EIF4G3: variants seen among roughly 807,000 people sequenced by gnomAD.
EIF4G3 encodes eukaryotic translation initiation factor 4 gamma 3.
A neutral mutation model predicts 186.4 loss-of-function variants in EIF4G3; 34 were observed. The observed-to-expected ratio is 0.18, with a 90% CI of 0.14 to 0.24. The LOEUF (loss-of-function observed/expected upper bound fraction) is 0.24. Ranked by LOEUF, EIF4G3 falls within the 10% of genes least tolerant of loss-of-function variation. The pLI is 1.00. For synonymous variants in EIF4G3, 673 were observed against 679.5 expected, an observed-to-expected ratio of 0.99 and a Z score of 0.15; for missense variants, 1,536 against 1,948.5, an observed-to-expected ratio of 0.79 and a Z score of 3.99.
intron 2 of EIF4G3, among the ~76,000 whole-genome samples, chr1:21,136,398 T>C (rs2102586534): frequency 6.6e-6 from 1 of 151,928 alleles, no homozygotes; most frequent in South Asian, 2.1e-4. Flanking sequence ...ATGCCTGTAA[T>C]CCCAGCTACT....
chr1:20,989,056 A>AGGGGGG (rs2080285132), intron 7 of EIF4G3, among the ~76,000 whole-genome samples: 1 of 2,342 alleles, frequency 4.3e-4, no homozygotes, highest in Non-Finnish European at 7.5e-4. Flanking sequence ...AGGAGAGGAG[A>AGGGGGG]GGAGGGGAGG....
intron 23 of EIF4G3, among the ~76,000 whole-genome samples, chr1:20,860,895 A>C (rs920319746): frequency 4.6e-5 from 7 of 152,244 alleles, no homozygotes; most frequent in Non-Finnish European, 4.4e-5. Flanking sequence ...AAAAATGATG[A>C]GGATTCCTTG....
intron 3 of EIF4G3, among the ~76,000 whole-genome samples, chr1:21,085,983 C>T (rs368993204): frequency 7.2e-5 from 11 of 152,038 alleles, no homozygotes; most frequent in Non-Finnish European, 1.0e-4. Context: ...TAAGCCATCG[C>T]GCCTGGCCCA....
intron 2 of EIF4G3, among the ~76,000 whole-genome samples, chr1:21,127,870 A>G (rs1045673655): frequency 6.6e-6 from 1 of 152,222 alleles, no homozygotes; most frequent in African/African-American, 2.4e-5. Context: ...AAAGCAAAAA[A>G]TATTTCTTCC....
At chr1:21,075,728 C>A (rs1304326781) in intron 3 of EIF4G3, among the ~76,000 whole-genome samples, 2 of 151,124 alleles carry the variant, frequency 1.3e-5, no homozygotes, top group Non-Finnish European at 2.9e-5. Context: ...GTAAAACAGA[C>A]AGAAAAGGTA....
chr1:21,140,095 T>C (rs7543424), intron 2 of EIF4G3, among the ~76,000 whole-genome samples: 1 of 152,236 alleles, frequency 6.6e-6, no homozygotes, highest in Non-Finnish European at 1.5e-5. Flanking sequence ...CCAGATTTGG[T>C]TGAGGCTGTC....
At chr1:20,945,532 C>T (rs1168922704) in intron 13 of EIF4G3, among the ~76,000 whole-genome samples, 2 of 152,174 alleles carry the variant, frequency 1.3e-5, no homozygotes, top group Admixed American at 1.3e-4. Flanking sequence ...CTGGTGTGAT[C>T]TCAGCTCACC....
intron 2 of EIF4G3, among the ~76,000 whole-genome samples, chr1:21,128,227 G>A (rs1347102884): frequency 3.4e-5 from 5 of 145,588 alleles, no homozygotes; most frequent in Admixed American, 1.4e-4. Context: ...AAAAAGTTTC[G>A]GCTGGGTGTG....
intron 20 of EIF4G3, among the ~76,000 whole-genome samples, chr1:20,873,776 T>C (rs1471286436): frequency 2.0e-5 from 3 of 150,266 alleles, no homozygotes; most frequent in South Asian, 2.1e-4. Flanking sequence ...GTTTGTTACA[T>C]AGGTATACAT....
At chr1:21,013,748 G>A (rs1427961347) in intron 4 of EIF4G3, among the ~76,000 whole-genome samples, 1 of 152,220 alleles carries the variant, frequency 6.6e-6, no homozygotes, top group Non-Finnish European at 1.5e-5. Flanking sequence ...TACAAACACA[G>A]AAAAGGTCAA....
intron 4 of EIF4G3, chr1:21,003,746 G>T: frequency 2.2e-6 from 1 of 451,416 alleles, no homozygotes; most frequent in South Asian, 1.6e-5. Context: ...TGCCTGTGAG[G>T]TTCACAACAA....
rs1401077114 is a variant in EIF4G3, at chr1:20,849,458, G to A, written c.3845C>T (p.Ser1282Leu). ...ALSEEELERK[S>L]KSIIDEFLHI... The stretch of plus-strand genomic sequence containing the variant: ...TAGAAATTCATCAATGATAGATTTC[G>A]ACTTCCTCTCCAGTTCCTCTTCTGA... Residue 1282 changes from serine (S) to leucine (L), a missense_variant, in exon 29 of 37, where the codon TCG becomes TTG. By Grantham distance (145) the Ser-to-Leu change is moderately radical. Around this residue, in one of 11 missense-constraint regions of EIF4G3, gnomAD observed 395 missense variants for 498.9 expected, o/e 0.79. Transcript: ENST00000602326. 2.6e-6 allele frequency: 4 copies of A among 1,552,968 alleles called. No homozygotes were observed. The highest frequency in any genetic ancestry group is 1.3e-5 in the South Asian group (1 of 79,414).
intron 20 of EIF4G3, among the ~76,000 whole-genome samples, chr1:20,871,492 T>C (rs933190737): frequency 6.6e-6 from 1 of 152,228 alleles, no homozygotes; most frequent in Non-Finnish European, 1.5e-5. Context: ...GACTCCCAGA[T>C]ACTAGTTCAA....
intron 4 of EIF4G3, among the ~76,000 whole-genome samples, chr1:21,006,075 C>T (rs576689085): frequency 3.9e-4 from 60 of 152,204 alleles, no homozygotes; most frequent in African/African-American, 1.3e-3. Context: ...GATCATTCAA[C>T]GATCGTTCAG....
At chr1:21,102,542 A>G (rs1490107776) in intron 2 of EIF4G3, among the ~76,000 whole-genome samples, 1 of 152,230 alleles carries the variant, frequency 6.6e-6, no homozygotes, top group Admixed American at 6.5e-5. Flanking sequence ...GACATTCTTA[A>G]AATCATCATT....
At chr1:20,824,766 ACTTCTGGCTG>A (rs2063192629) in intron 33 of EIF4G3, among the ~76,000 whole-genome samples, 1 of 152,130 alleles carries the variant, frequency 6.6e-6, no homozygotes, top group Non-Finnish European at 1.5e-5. Flanking sequence ...CCACAGAATA[ACTTCTGGCTG>A]CTTCTGGCCT....
rs2076113777 is a variant in EIF4G3 at position 20,972,602 on chromosome 1, T to C, written c.591+400A>G. On this transcript the variant is annotated intron_variant, in intron 11 of 36. Transcript: ENST00000602326. The stretch of plus-strand genomic sequence containing the variant: ...TTCAGCTGAGATCGCGCCACTGCAC[T>C]CCAGCTTGGGCTACAGAGTGAGACT... Among the ~76,000 whole-genome samples the C allele has an allele frequency of 4.0e-5, 6 of 151,746 alleles. No individual in the cohort carries two copies. In the South Asian group the frequency reaches 1.3e-3, roughly 32 times the overall value.
intron 14 of EIF4G3, among the ~76,000 whole-genome samples, chr1:20,933,907 AGAG>A (rs1223496668): frequency 2.0e-5 from 3 of 152,300 alleles, no homozygotes; most frequent in East Asian, 3.9e-4. Context: ...ATTGAAGTTT[AGAG>A]GAGGAGTTGG....
At chr1:20,902,332 G>T (rs929627400) in intron 15 of EIF4G3, among the ~76,000 whole-genome samples, 1 of 152,184 alleles carries the variant, frequency 6.6e-6, no homozygotes, top group African/African-American at 2.4e-5. Flanking sequence ...AAAGTGCTGT[G>T]ATTACAGGCG....
Sources: allele counts gnomAD v4.1 joint callset (sites outside exome capture counted in the v4.1 genomes callset), GRCh38; gene constraint gnomAD v4.1.1; regional missense constraint gnomAD v4.1.1; transcripts MANE v1.5; gene names NCBI Gene and HGNC (gene_info 2026-07-23, HGNC 2026-07-21).